Variants in NLRC5 observed in about 807,000 individuals in gnomAD.
The protein encoded by NLRC5 is protein NLRC5.
In NLRC5, 114 loss-of-function variants were observed where a neutral mutation model predicts 206.9. The observed-to-expected ratio is 0.55, with a 90% CI of 0.47 to 0.64. The LOEUF is 0.64. NLRC5 is among the 30% of genes least tolerant of loss of function. The pLI, the probability that NLRC5 is intolerant of heterozygous loss-of-function variation, is 0.00. For synonymous variants in NLRC5, 952 were observed against 962.8 expected (o/e 0.99, Z 0.21); for missense variants, 2,008 against 2,305.5 (o/e 0.87, Z 2.64).
chr16:57,043,557 G>A lies in NLRC5; in HGVS notation c.3156G>A (p.Leu1052=), dbSNP rs763151850. The A allele has an allele frequency of 1.9e-6, 3 of 1,614,136 alleles. No individual in the cohort carries two copies. The South Asian group carries it at 3.3e-5, about 18-fold the overall frequency. The change falls in exon 20 of 49, where the codon TTG becomes TTA. Residue 1052 remains leucine, a synonymous_variant. Coordinates refer to ENST00000688547, the MANE Select transcript of NLRC5 (RefSeq NM_001384950.1). The stretch of plus-strand genomic sequence containing the variant: ...TGTCCCTGGATGCCGTGTTGGGTTT[G>A]GTTCGGTGCTTCTCCACTCTGCAGT... ...NGLSLDAVLG[L]VRCFSTLQWL...
intron 21 of NLRC5, 151 bp from the exon 22 acceptor site, chr16:57,046,401 C>A (rs1020425488): frequency 3.3e-6 from 2 of 611,680 alleles, no homozygotes; most frequent in African/African-American, 1.8e-5. Flanking sequence ...CTCTGAGATG[C>A]CTTCCAGCCC....
rs780542226 is a variant in NLRC5, at chr16:57,065,198, C to T, written c.4155-14C>T. The T allele has an allele frequency of 4.7e-6, 7 of 1,504,218 alleles. No individual in the cohort carries two copies. Among genetic ancestry groups the T allele is most frequent in the Non-Finnish European group, 5.4e-6 (6 of 1,114,206 alleles). 93.2% of individuals were successfully genotyped at this position (1,504,218 alleles called of 1,614,324 possible). On this transcript the variant is annotated splice_polypyrimidine_tract_variant and intron_variant, in intron 32 of 48. Coordinates refer to ENST00000688547, the MANE Select transcript of NLRC5 (RefSeq NM_001384950.1). ...ACCTTGGGGGGGCCTTATCTGTGTC[C>T]CCTTCTGTGACAGGGTGCAGGAGCC...
At chr16:57,017,258 T>C (rs1383840659) in intron 2 of NLRC5, 70 bp downstream of exon 2, 1 of 152,630 alleles carries the variant, frequency 6.6e-6, no homozygotes, top group African/African-American at 2.4e-5. Flanking sequence ...TTTCTCCTAC[T>C]GCCAAGACTG....
chr16:57,077,915 C>G, intron 42 of NLRC5, 28 bp from the exon 43 acceptor site: 1 of 1,612,402 alleles, frequency 6.2e-7, no homozygotes, highest in Non-Finnish European at 8.5e-7. Flanking sequence ...AGGCCCAGTA[C>G]TCAATGCTCA....
chr16:57,022,112 A>G, intron 3 of NLRC5, 144 bp from the exon 4 acceptor site: 1 of 608,760 alleles, frequency 1.6e-6, no homozygotes. Context: ...TTTTCTCCAC[A>G]ACAGATAACT....
chr16:57,035,940 G>A (rs750506126), intron 13 of NLRC5, among the ~76,000 whole-genome samples, 160 bp from the exon 14 acceptor site: 6 of 152,218 alleles, frequency 3.9e-5, no homozygotes, highest in Admixed American at 3.9e-4. Context: ...AACCTAGGAT[G>A]TTGCCAGGCA....
At chr16:57,036,306 A>G (rs1321168657) in intron 14 of NLRC5, 123 bp downstream of exon 14, 9 of 852,298 alleles carry the variant, frequency 1.1e-5, no homozygotes, top group Non-Finnish European at 1.5e-5. Flanking sequence ...TCCCAACTCC[A>G]GCAAAGTCAA....
At chr16:57,035,853 C>G (rs1375253350) in intron 13 of NLRC5, among the ~76,000 whole-genome samples, 1 of 152,220 alleles carries the variant, frequency 6.6e-6, no homozygotes, top group African/African-American at 2.4e-5. Context: ...TGAGTTTACT[C>G]ATCAGTAAGG....
intron 1 of NLRC5, among the ~76,000 whole-genome samples, chr16:57,008,778 A>C (rs1488687354): frequency 1.3e-5 from 2 of 152,168 alleles, no homozygotes; most frequent in African/African-American, 4.8e-5. Flanking sequence ...AAAGTTTTTA[A>C]TTTTAAAGAA....
chr16:57,059,473 C>A lies in NLRC5; in HGVS notation c.3927C>A (p.Gly1309=). ...PRVREASVNL[G]SEQSFRIHFS... ...CAGGCCCTTCTCTCTGCAGCCTGGG[C>A]TCTGAGCAGAGCTTCCGGATTCACT... is the stretch of plus-strand genomic sequence containing the variant. The change falls in exon 30 of 49, where the codon GGC becomes GGA. Residue 1309 remains glycine, a synonymous_variant. Transcript: ENST00000688547. 1 of 1,609,226 alleles carries A rather than the reference C, an allele frequency of 6.2e-7. No homozygotes were observed.
intron 23 of NLRC5, among the ~76,000 whole-genome samples, chr16:57,049,594 G>A (rs769468555): frequency 1.3e-5 from 2 of 152,040 alleles, no homozygotes; most frequent in Non-Finnish European, 2.9e-5. Context: ...AAATTAGCCA[G>A]GCATGGTGGT....
rs200713636 is a variant in NLRC5, at chr16:57,020,799, C to A, written c.87C>A (p.Asn29Lys). 1.9e-6 allele frequency: 3 copies of A among 1,613,186 alleles called. No homozygotes were observed. The highest frequency in any genetic ancestry group is 1.1e-5 in the South Asian group (1 of 90,982). Reference sequence around the variant, plus strand: ...TCACCAAAGACCCAGAATGGCTGAACGCCAAGATGAAGTTCTTCCTCCCCA... The same window carrying A: ...TCACCAAAGACCCAGAATGGCTGAAAGCCAAGATGAAGTTCTTCCTCCCCA... ...RLLTKDPEWL[N>K]AKMKFFLPNT... The change falls in exon 3 of 49, where the codon AAC becomes AAA. Residue 29 changes from asparagine to lysine, a missense_variant. Transcript: ENST00000688547.
At chr16:57,049,364 A>C (rs1474155760) in intron 23 of NLRC5, among the ~76,000 whole-genome samples, 1 of 152,230 alleles carries the variant, frequency 6.6e-6, no homozygotes, top group African/African-American at 2.4e-5. Flanking sequence ...GCACTGGGCC[A>C]GATCCTGGGA....
intron 1 of NLRC5, among the ~76,000 whole-genome samples, chr16:57,008,073 C>T (rs945156726): frequency 3.3e-5 from 5 of 151,714 alleles, no homozygotes; most frequent in African/African-American, 1.2e-4. Context: ...ATGCTCTCTA[C>T]TCTGAAATTA....
rs751192786 is a variant in NLRC5, at chr16:57,055,044, T to A, written c.3609T>A (p.His1203Gln). ...VKKVDLRSLH[H>Q]ATLHFRSNEE... ...CTGTCTGATCCAGGTCCCTGCACCA[T>A]GCAACTTTGCACTTCAGATCCAACG... The change falls in exon 26 of 49, where the codon CAT becomes CAA. Residue 1203 changes from histidine (H) to glutamine (Q), a missense_variant. Transcript: ENST00000688547. The A allele has an allele frequency of 6.8e-6, 11 of 1,614,106 alleles. No homozygotes were observed. The highest frequency in any genetic ancestry group is 9.3e-6 in the Non-Finnish European group (11 of 1,180,050).
At chr16:57,000,990 C>A (rs1449918551) in intron 1 of NLRC5, among the ~76,000 whole-genome samples, 1 of 152,228 alleles carries the variant, frequency 6.6e-6, no homozygotes, top group Non-Finnish European at 1.5e-5. Flanking sequence ...ACAATGGGCA[C>A]AGCATAGACC....
At chr16:57,043,426 G>A in intron 19 of NLRC5, 89 bp from the exon 20 acceptor site, 1 of 989,312 alleles carries the variant, frequency 1.0e-6, no homozygotes, top group Non-Finnish European at 1.6e-6. Flanking sequence ...CTGGAACCAG[G>A]GATCCCTCCC....
intron 21 of NLRC5, 147 bp downstream of exon 21, chr16:57,045,639 A>G: frequency 1.5e-6 from 1 of 676,622 alleles, no homozygotes. Flanking sequence ...TCACCACTTC[A>G]GTAACCACCG....
intron 1 of NLRC5, among the ~76,000 whole-genome samples, chr16:56,997,340 C>T (rs1418435637): frequency 6.6e-6 from 1 of 152,142 alleles, no homozygotes; most frequent in African/African-American, 2.4e-5. Context: ...CAGTACATAA[C>T]AGCCAATGAG....
Sources: gnomAD v4.1 joint callset for allele counts (sites outside exome capture counted in the v4.1 genomes callset) on GRCh38, gnomAD v4.1.1 for gene constraint, MANE v1.5 for transcripts, NCBI Gene and HGNC (gene_info 2026-07-23, HGNC 2026-07-21) for gene names.